CNTN4: variants seen among roughly 807,000 people sequenced by gnomAD.
The protein encoded by CNTN4 is contactin-4.
Under a neutral mutation model 122.5 loss-of-function variants are expected in CNTN4, and 77 were observed. That is an observed-to-expected ratio of 0.63 (90% CI 0.52 to 0.76). The LOEUF (loss-of-function observed/expected upper bound fraction) is 0.76, where lower values mean the gene tolerates loss of function less well. Among genes scored for constraint, CNTN4 ranks in the 30% least tolerant of loss-of-function variants. The probability of loss-of-function intolerance (pLI) is 0.00; values close to 1 mark genes in which losing one functional copy is unlikely to be tolerated. For synonymous variants in CNTN4, 512 were observed against 447.0 expected (o/e 1.15, Z -1.83); for missense variants, 1,256 against 1,259.1 (o/e 1.00, Z 0.04).
At chr3:2,331,695 T>C (rs1332793046) in intron 2 of CNTN4, among the ~76,000 whole-genome samples, 1 of 152,114 alleles carries the variant, frequency 6.6e-6, no homozygotes, top group African/African-American at 2.4e-5. Context: ...ATTCATTCCT[T>C]GTCTATGAGG....
At chr3:2,215,921 C>T (rs2038819676) in intron 2 of CNTN4, among the ~76,000 whole-genome samples, 1 of 136,750 alleles carries the variant, frequency 7.3e-6, no homozygotes. Context: ...TTCCCTTAAA[C>T]TTCTACACTT....
At chr3:2,772,217 A>C (rs187872119) in intron 6 of CNTN4, among the ~76,000 whole-genome samples, 1 of 152,134 alleles carries the variant, frequency 6.6e-6, no homozygotes, top group Non-Finnish European at 1.5e-5. Flanking sequence ...TCATTTTGGA[A>C]TGGGCATTTA....
At chr3:3,013,698 A>G (rs895419950) in intron 14 of CNTN4, among the ~76,000 whole-genome samples, 4 of 152,194 alleles carry the variant, frequency 2.6e-5, no homozygotes, top group African/African-American at 7.2e-5. Context: ...ATGATTTTGT[A>G]AACTATGGAA....
At chr3:2,290,553 G>T (rs2042095419) in intron 2 of CNTN4, among the ~76,000 whole-genome samples, 1 of 152,032 alleles carries the variant, frequency 6.6e-6, no homozygotes, top group African/African-American at 2.4e-5. Flanking sequence ...CTAAATAAGT[G>T]AAAAAATGAG....
At chr3:2,145,194 T>C (rs1276228549) in intron 2 of CNTN4, among the ~76,000 whole-genome samples, 1 of 152,242 alleles carries the variant, frequency 6.6e-6, no homozygotes, top group Non-Finnish European at 1.5e-5. Flanking sequence ...AACTAAAGTC[T>C]GTGTTCTCTT....
At chr3:2,635,324 A>G (rs1161976238) in intron 4 of CNTN4, among the ~76,000 whole-genome samples, 1 of 152,224 alleles carries the variant, frequency 6.6e-6, no homozygotes, top group Non-Finnish European at 1.5e-5. Flanking sequence ...ATTGGAAATG[A>G]AAATATTTTC....
chr3:2,289,926 G>A lies in CNTN4; in HGVS notation c.-144-49252G>A, dbSNP rs902784504. On this transcript the variant is annotated intron_variant, in intron 2 of 24. Transcript: ENST00000418658. The stretch of plus-strand genomic sequence containing the variant: ...ATTGAAAATTTCATACTACCTCTCG[G>A]AAACTTGGAGGCATAGTTTTCAGGG... Among the ~76,000 whole-genome samples, 6 of 152,068 alleles carry A rather than the reference G, an allele frequency of 3.9e-5. No individual in the cohort carries two copies. In the East Asian group the frequency reaches 1.2e-3, roughly 29 times the overall value.
At chr3:2,774,785 C>G (rs1576740941) in intron 6 of CNTN4, among the ~76,000 whole-genome samples, 1 of 152,314 alleles carries the variant, frequency 6.6e-6, no homozygotes. Context: ...GAGACAACAT[C>G]ATTTGGTTTC....
intron 3 of CNTN4, among the ~76,000 whole-genome samples, chr3:2,540,662 A>G (rs1231757661): frequency 6.6e-6 from 1 of 152,140 alleles, no homozygotes; most frequent in African/African-American, 2.4e-5. Context: ...TAAATAGTCA[A>G]TTTCATAAAC....
intron 7 of CNTN4, among the ~76,000 whole-genome samples, chr3:2,826,260 C>T (rs1464787531): frequency 6.6e-6 from 1 of 152,166 alleles, no homozygotes; most frequent in Non-Finnish European, 1.5e-5. Context: ...GCAGGGGATC[C>T]TCTGGCATCA....
intron 2 of CNTN4, among the ~76,000 whole-genome samples, chr3:2,293,132 T>C (rs929318369): frequency 6.6e-6 from 1 of 152,240 alleles, no homozygotes; most frequent in Non-Finnish European, 1.5e-5. Context: ...ACAAGAGTTC[T>C]TGAGGACTGT....
At chr3:2,339,576 G>GA (rs1447833875) in intron 3 of CNTN4, among the ~76,000 whole-genome samples, 1 of 152,172 alleles carries the variant, frequency 6.6e-6, no homozygotes, top group Non-Finnish European at 1.5e-5. Flanking sequence ...GGTTTCATAG[G>GA]AGAGGATGTT....
intron 4 of CNTN4, among the ~76,000 whole-genome samples, chr3:2,720,272 C>G (rs376333323): frequency 4.6e-5 from 7 of 152,236 alleles, no homozygotes; most frequent in Admixed American, 2.0e-4. Flanking sequence ...AAGCCAGAAA[C>G]CAACCAAAGG....
At chr3:2,404,614 T>C (rs1437144153) in intron 3 of CNTN4, among the ~76,000 whole-genome samples, 3 of 152,162 alleles carry the variant, frequency 2.0e-5, no homozygotes, top group Non-Finnish European at 2.9e-5. Context: ...TATGATTACA[T>C]TGGGCCAACT....
At chr3:2,893,916 A>C (rs1336483557) in intron 10 of CNTN4, among the ~76,000 whole-genome samples, 1 of 152,160 alleles carries the variant, frequency 6.6e-6, no homozygotes, top group African/African-American at 2.4e-5. Context: ...TGGATACCTC[A>C]AAGAGCCTTT....
At position 2,591,688 on chromosome 3, in the gene CNTN4, G is replaced by A. The variant is rs2080501091; in HGVS notation, c.55+20130G>A. Among the ~76,000 whole-genome samples, 6 of 152,066 alleles carry A rather than the reference G, an allele frequency of 3.9e-5. No individual in the cohort carries two copies. The South Asian group carries it at 1.2e-3, about 32-fold the overall frequency. ...CGATTTGTGACTTTTTAAAATTGTA[G>A]CCTTCTGAAACTAAGCGAAAAAAAA... On this transcript the variant is annotated intron_variant, in intron 4 of 24. Coordinates refer to ENST00000418658, the MANE Select transcript of CNTN4 (RefSeq NM_175607.3).
chr3:2,255,309 G>C (rs2149707457), intron 2 of CNTN4, among the ~76,000 whole-genome samples: 1 of 152,078 alleles, frequency 6.6e-6, no homozygotes. Flanking sequence ...CCTACAAAGA[G>C]ACTTAGACTC....
At chr3:2,714,100 A>T (rs186287831) in intron 4 of CNTN4, among the ~76,000 whole-genome samples, 6 of 152,212 alleles carry the variant, frequency 3.9e-5, no homozygotes, top group Admixed American at 6.5e-5. Flanking sequence ...TCTAGTAATT[A>T]TAGTAGTGAT....
chr3:3,040,631 T>C (rs1197525712), intron 20 of CNTN4, among the ~76,000 whole-genome samples: 1 of 152,238 alleles, frequency 6.6e-6, no homozygotes, highest in East Asian at 1.9e-4. Flanking sequence ...TTACCACTTG[T>C]ATTTTCATAA....
Sources: allele counts gnomAD v4.1 joint callset (sites outside exome capture counted in the v4.1 genomes callset), GRCh38; gene constraint gnomAD v4.1.1; transcripts MANE v1.5; gene names NCBI Gene and HGNC (gene_info 2026-07-23, HGNC 2026-07-21).